Variants in DPYD observed in about 807,000 individuals in gnomAD.
DPYD encodes the protein dihydropyrimidine dehydrogenase.
A neutral mutation model predicts 116.2 loss-of-function variants in DPYD; 109 were observed. The observed-to-expected ratio is 0.94, with a 90% CI of 0.80 to 1.10. The LOEUF is 1.10. Among genes scored for constraint, DPYD ranks in the 50% least tolerant of loss-of-function variants. DPYD has a pLI of 0.00. For missense variants in DPYD, 1,302 were observed against 1,254.5 expected (o/e 1.04, Z -0.57); for synonymous variants, 440 against 432.0 (o/e 1.02, Z -0.23).
At chr1:97,749,180 C>A (rs1190822251) in intron 3 of DPYD, among the ~76,000 whole-genome samples, 2 of 152,150 alleles carry the variant, frequency 1.3e-5, no homozygotes, top group Non-Finnish European at 2.9e-5. Flanking sequence ...CAGCAAATTT[C>A]CGTGACAAAA....
At chr1:97,448,966 T>C (rs1326247107) in intron 14 of DPYD, among the ~76,000 whole-genome samples, 1 of 152,118 alleles carries the variant, frequency 6.6e-6, no homozygotes, top group Non-Finnish European at 1.5e-5. Flanking sequence ...GCATGTATTT[T>C]ATTTCAAGTT....
chr1:97,608,576 C>G (rs1035337497), intron 8 of DPYD, among the ~76,000 whole-genome samples: 4 of 151,882 alleles, frequency 2.6e-5, no homozygotes, highest in African/African-American at 9.7e-5. Context: ...GGCAAATTAG[C>G]TTACTTCCCT....
intron 13 of DPYD, among the ~76,000 whole-genome samples, chr1:97,493,585 T>C (rs1679089023): frequency 6.6e-6 from 1 of 152,056 alleles, no homozygotes; most frequent in South Asian, 2.1e-4. Flanking sequence ...GGAATTATGA[T>C]TCATGGGATG....
chr1:97,544,724 C>G (rs1440031870), intron 12 of DPYD, among the ~76,000 whole-genome samples: 1 of 150,100 alleles, frequency 6.7e-6, no homozygotes, highest in African/African-American at 2.4e-5. Context: ...TGAAACACCA[C>G]CAAACTACAA....
chr1:97,889,700 T>C (rs1394386685), intron 1 of DPYD, among the ~76,000 whole-genome samples: 1 of 151,988 alleles, frequency 6.6e-6, no homozygotes, highest in African/African-American at 2.4e-5. Flanking sequence ...ATAGAACAAC[T>C]AGGCAGAAGA....
chr1:97,391,839 A>C (rs532303137), intron 14 of DPYD, among the ~76,000 whole-genome samples: 2 of 152,186 alleles, frequency 1.3e-5, no homozygotes, highest in Admixed American at 1.3e-4. Context: ...TGCTTTGACC[A>C]CACTGAATTG....
chr1:97,905,196 T>G (rs978811137), intron 1 of DPYD, among the ~76,000 whole-genome samples: 2 of 152,014 alleles, frequency 1.3e-5, no homozygotes, highest in African/African-American at 2.4e-5. Context: ...AATATGCACC[T>G]CTAACTATTT....
intron 14 of DPYD, among the ~76,000 whole-genome samples, chr1:97,423,120 C>A (rs1359310541): frequency 6.6e-6 from 1 of 151,858 alleles, no homozygotes; most frequent in Non-Finnish European, 1.5e-5. Flanking sequence ...GTCATGGAAG[C>A]AGACAGTAGC....
chr1:97,580,967 T>C (rs1570996789), intron 10 of DPYD, among the ~76,000 whole-genome samples: 1 of 152,080 alleles, frequency 6.6e-6, no homozygotes, highest in South Asian at 2.1e-4. Context: ...TCATCAGATA[T>C]TGATAATGGA....
At chr1:97,810,933 T>C (rs1482296377) in intron 3 of DPYD, among the ~76,000 whole-genome samples, 1 of 152,134 alleles carries the variant, frequency 6.6e-6, no homozygotes, top group African/African-American at 2.4e-5. Flanking sequence ...TTCAACCTCA[T>C]CTCCCACAAT....
chr1:97,233,070 G>A (rs2100741620), intron 19 of DPYD, among the ~76,000 whole-genome samples: 2 of 152,236 alleles, frequency 1.3e-5, no homozygotes, highest in African/African-American at 4.8e-5. Context: ...CAGGGGAAGT[G>A]GAGAATGCCA....
chr1:97,399,718 T>C (rs1243149056), intron 14 of DPYD, among the ~76,000 whole-genome samples: 1 of 152,026 alleles, frequency 6.6e-6, no homozygotes, highest in African/African-American at 2.4e-5. Context: ...CAATTGTGAA[T>C]GGGAGTTCAC....
chr1:97,450,266 A>C lies in DPYD; in HGVS notation c.1741-43T>G, dbSNP rs1284567012. The C allele has an allele frequency of 1.9e-6, 3 of 1,606,986 alleles. 1 individual carries two copies. The highest frequency in any genetic ancestry group is 2.6e-6 in the Non-Finnish European group (3 of 1,175,126). On this transcript the variant is annotated intron_variant, in intron 13 of 22. Coordinates refer to ENST00000370192, the MANE Select transcript of DPYD (RefSeq NM_000110.4). ...ATATTGAGTCTCCTTTTGACAAAGAAAAGCTATAATCTTTATTATCTGCTC... is the reference window on the plus strand; with the variant it reads ...ATATTGAGTCTCCTTTTGACAAAGACAAGCTATAATCTTTATTATCTGCTC...
intron 13 of DPYD, among the ~76,000 whole-genome samples, chr1:97,478,440 A>G (rs1244577134): frequency 6.6e-6 from 1 of 152,038 alleles, no homozygotes; most frequent in African/African-American, 2.4e-5. Flanking sequence ...GCCATGCATC[A>G]CCATGCCCAG....
rs1275871198 is a variant in DPYD at position 97,546,835 on chromosome 1, G to C, written c.1524+2725C>G. ...ACCATTGAAGTTGGAAGTTCATGAGGCCAAGCCTGTGCCAGAAAATCACCC... is the reference window on the plus strand; with the variant it reads ...ACCATTGAAGTTGGAAGTTCATGAGCCCAAGCCTGTGCCAGAAAATCACCC... On this transcript the variant is annotated intron_variant, in intron 12 of 22. Coordinates refer to ENST00000370192, the MANE Select transcript of DPYD (RefSeq NM_000110.4). The C allele has an allele frequency of 1.6e-5, 25 of 1,611,968 alleles. 1 individual carries two copies. In the Admixed American group the frequency reaches 3.8e-4, roughly 25 times the overall value.
chr1:97,264,185 TTTTTTTTTG>T, intron 18 of DPYD, among the ~76,000 whole-genome samples: 1 of 116,136 alleles, frequency 8.6e-6, no homozygotes, highest in African/African-American at 4.0e-5. Flanking sequence ...TTTTTTTTTT[TTTTTTTTTG>T]GACAAAGTCT....
chr1:97,654,899 T>C (rs1050648920), intron 8 of DPYD, among the ~76,000 whole-genome samples: 16 of 152,178 alleles, frequency 1.1e-4, no homozygotes, highest in African/African-American at 3.6e-4. Flanking sequence ...AAAGTATGTC[T>C]TACATGGTGG....
intron 14 of DPYD, among the ~76,000 whole-genome samples, chr1:97,431,723 C>A (rs1259671704): frequency 6.6e-6 from 1 of 152,084 alleles, no homozygotes; most frequent in African/African-American, 2.4e-5. Flanking sequence ...CAATTCCACT[C>A]CTCAGTTATT....
intron 14 of DPYD, among the ~76,000 whole-genome samples, chr1:97,402,940 C>T (rs1359397496): frequency 6.6e-6 from 1 of 151,942 alleles, no homozygotes. Context: ...TTGAACCAGC[C>T]TTGAATGTCT....
Sources: gnomAD v4.1 joint callset for allele counts (sites outside exome capture counted in the v4.1 genomes callset) on GRCh38, gnomAD v4.1.1 for gene constraint, MANE v1.5 for transcripts, NCBI Gene and HGNC (gene_info 2026-07-23, HGNC 2026-07-21) for gene names.